The following MRTFA variants were observed in gnomAD, a reference collection of about 807,000 sequenced individuals.
MRTFA encodes the protein myocardin related transcription factor A.
A neutral mutation model predicts 83.5 loss-of-function variants in MRTFA; 20 were observed. The ratio of observed to expected loss-of-function variants is 0.24; its 90% CI spans 0.17 to 0.35. The LOEUF (loss-of-function observed/expected upper bound fraction) is 0.35, where lower values mean the gene tolerates loss of function less well. Ranked by LOEUF, MRTFA falls within the 10% of genes least tolerant of loss-of-function variation. The probability of loss-of-function intolerance (pLI) is 1.00; values close to 1 mark genes in which losing one functional copy is unlikely to be tolerated. For missense variants in MRTFA, 1,200 were observed against 1,224.7 expected (o/e 0.98, Z 0.30); for synonymous variants, 659 against 541.2 (o/e 1.22, Z -3.02).
intron 3 of MRTFA, among the ~76,000 whole-genome samples, chr22:40,550,710 A>G (rs574221135): frequency 9.2e-5 from 14 of 152,376 alleles, no homozygotes; most frequent in African/African-American, 3.4e-4. Context: ...GGTAAATAAT[A>G]CAGACATATT....
At chr22:40,459,629 A>G (rs1018392948) in intron 4 of MRTFA, among the ~76,000 whole-genome samples, 1 of 151,748 alleles carries the variant, frequency 6.6e-6, no homozygotes, top group Non-Finnish European at 1.5e-5. Flanking sequence ...CTCCATGCCC[A>G]GAATTCCAAC....
intron 7 of MRTFA, among the ~76,000 whole-genome samples, chr22:40,424,747 C>T (rs1426091474): frequency 1.3e-5 from 2 of 152,210 alleles, no homozygotes; most frequent in East Asian, 1.9e-4. Context: ...CTACCTCAAC[C>T]GTCTCCCTAT....
intron 4 of MRTFA, among the ~76,000 whole-genome samples, chr22:40,441,839 C>T (rs2053282922): frequency 6.6e-6 from 1 of 151,850 alleles, no homozygotes; most frequent in African/African-American, 2.4e-5. Flanking sequence ...TATACACACA[C>T]ACACACACAC....
At chr22:40,507,791 C>T (rs560511920) in intron 3 of MRTFA, among the ~76,000 whole-genome samples, 53 of 151,644 alleles carry the variant, frequency 3.5e-4, no homozygotes, top group South Asian at 6.3e-4. Flanking sequence ...GGCGAAACCC[C>T]GTCTCTACTA....
At chr22:40,565,944 A>C (rs531590279) in intron 2 of MRTFA, among the ~76,000 whole-genome samples, 2 of 152,340 alleles carry the variant, frequency 1.3e-5, no homozygotes, top group South Asian at 4.1e-4. Context: ...TTTACAGTTG[A>C]GGAAACTGAG....
chr22:40,431,513 T>G, intron 5 of MRTFA, 33 bp from the exon 6 acceptor site: 2 of 1,603,044 alleles, frequency 1.2e-6, no homozygotes, highest in Non-Finnish European at 1.7e-6. Context: ...AACTCTCAAA[T>G]CCAGGTCACA....
chr22:40,492,437 C>G (rs949701858), intron 3 of MRTFA, among the ~76,000 whole-genome samples: 3 of 152,172 alleles, frequency 2.0e-5, no homozygotes, highest in African/African-American at 7.2e-5. Flanking sequence ...AAAAGCAGAA[C>G]TGAGATGATT....
intron 14 of MRTFA, chr22:40,415,465 G>A (rs1160032459): frequency 6.6e-6 from 1 of 152,262 alleles, no homozygotes; most frequent in Non-Finnish European, 1.5e-5. Flanking sequence ...TGGTAGAGCT[G>A]TGGTTCCAGG....
At chr22:40,571,726 G>T (rs1336438696) in intron 2 of MRTFA, among the ~76,000 whole-genome samples, 1 of 151,312 alleles carries the variant, frequency 6.6e-6, no homozygotes, top group African/African-American at 2.4e-5. Context: ...AGACCATCCT[G>T]ACTAACATGA....
At chr22:40,424,179 G>A (rs1454963946) in intron 8 of MRTFA, 27 bp downstream of exon 8, 2 of 1,572,138 alleles carry the variant, frequency 1.3e-6, no homozygotes, top group Non-Finnish European at 1.7e-6. Context: ...CTTGGAGCTG[G>A]GGAAGCATCT....
intron 1 of MRTFA, among the ~76,000 whole-genome samples, chr22:40,622,277 C>T (rs2056532513): frequency 6.6e-6 from 1 of 151,786 alleles, no homozygotes; most frequent in Admixed American, 6.6e-5. Context: ...GTCAGGAGTT[C>T]AAGACCAGCC....
intron 3 of MRTFA, among the ~76,000 whole-genome samples, chr22:40,515,881 C>T (rs1235819766): frequency 6.6e-6 from 1 of 152,150 alleles, no homozygotes; most frequent in Non-Finnish European, 1.5e-5. Context: ...AAACAACTTC[C>T]ACGCAACATC....
intron 1 of MRTFA, among the ~76,000 whole-genome samples, chr22:40,611,419 A>T (rs1286556880): frequency 6.6e-6 from 1 of 150,980 alleles, no homozygotes; most frequent in Non-Finnish European, 1.5e-5. Context: ...TTTTAATTAA[A>T]TTTTTTGTAG....
At chr22:40,447,223 G>A (rs1012896896) in intron 4 of MRTFA, among the ~76,000 whole-genome samples, 1 of 151,860 alleles carries the variant, frequency 6.6e-6, no homozygotes, top group Admixed American at 6.6e-5. Context: ...ATGGTGGCGC[G>A]CACCTGTAGT....
chr22:40,553,638 G>A (rs561389104), intron 2 of MRTFA, among the ~76,000 whole-genome samples: 4 of 152,258 alleles, frequency 2.6e-5, no homozygotes, highest in East Asian at 3.9e-4. Context: ...GGATGTCCAC[G>A]CAGAAGTTTG....
intron 3 of MRTFA, among the ~76,000 whole-genome samples, chr22:40,514,435 G>T (rs2054721810): frequency 6.6e-6 from 1 of 151,502 alleles, no homozygotes; most frequent in African/African-American, 2.4e-5. Context: ...TGGGGAGGGG[G>T]GAGTTACAGA....
chr22:40,429,862 G>C, intron 6 of MRTFA, 95 bp from the exon 7 acceptor site: 1 of 1,288,366 alleles, frequency 7.8e-7, no homozygotes, highest in African/African-American at 1.5e-5. Flanking sequence ...TCCTGGGCAA[G>C]AGGAGTGACT....
At chr22:40,418,239 C>T (rs1009674129) in intron 12 of MRTFA, 135 bp downstream of exon 12, 3 of 1,462,520 alleles carry the variant, frequency 2.1e-6, no homozygotes, top group South Asian at 2.8e-5. Context: ...CTCAGTACCC[C>T]CCTGGTGAAG....
At chr22:40,617,692 A>G (rs888324617) in intron 1 of MRTFA, among the ~76,000 whole-genome samples, 3 of 148,756 alleles carry the variant, frequency 2.0e-5, no homozygotes, top group South Asian at 2.1e-4. Context: ...TCACCACTGC[A>G]CTCCAGCCTG....
Sources: allele counts gnomAD v4.1 joint callset (sites outside exome capture counted in the v4.1 genomes callset), GRCh38; gene constraint gnomAD v4.1.1; transcripts MANE v1.5; gene names NCBI Gene and HGNC (gene_info 2026-07-23, HGNC 2026-07-21).